Variants in TLK2 observed in about 807,000 individuals in gnomAD.
The protein encoded by TLK2 is tousled like kinase 2.
TLK2 carries 6 observed loss-of-function variants against 117.3 expected under a neutral mutation model. That is an observed-to-expected ratio of 0.05 (90% CI 0.03 to 0.10). The LOEUF (loss-of-function observed/expected upper bound fraction) is 0.10. Among genes scored for constraint, TLK2 ranks in the 10% least tolerant of loss-of-function variants. The pLI is 1.00. For missense variants in TLK2, 299 were observed against 901.2 expected (o/e 0.33, Z 8.56); for synonymous variants, 257 against 316.7 (o/e 0.81, Z 2.00).
At chr17:62,601,093 G>T (rs1343592022) in intron 18 of TLK2, among the ~76,000 whole-genome samples, 1 of 152,176 alleles carries the variant, frequency 6.6e-6, no homozygotes, top group Non-Finnish European at 1.5e-5. Context: ...AAGAACTGTT[G>T]CAGCAAGTTC....
intron 2 of TLK2, among the ~76,000 whole-genome samples, chr17:62,510,911 T>A (rs763065148): frequency 2.6e-5 from 4 of 152,202 alleles, no homozygotes; most frequent in Non-Finnish European, 4.4e-5. Flanking sequence ...TGGTTATCAT[T>A]ATTATTACTT....
intron 19 of TLK2, among the ~76,000 whole-genome samples, chr17:62,605,418 G>T (rs1002312301): frequency 6.6e-6 from 1 of 152,102 alleles, no homozygotes; most frequent in African/African-American, 2.4e-5. Context: ...TCACTCTCTT[G>T]CTGGAGTGCA....
chr17:62,568,234 C>T (rs2079961293), intron 11 of TLK2, among the ~76,000 whole-genome samples: 1 of 151,852 alleles, frequency 6.6e-6, no homozygotes, highest in African/African-American at 2.4e-5. Context: ...GAGTTTGAGA[C>T]CAGCCTGGCC....
At chr17:62,596,766 A>T in intron 17 of TLK2, 92 bp downstream of exon 17, 1 of 1,093,908 alleles carries the variant, frequency 9.1e-7, no homozygotes, top group Non-Finnish European at 1.4e-6. Flanking sequence ...GGTCCAGGAC[A>T]TACCCTCTGA....
intron 6 of TLK2, among the ~76,000 whole-genome samples, 154 bp downstream of exon 6, chr17:62,524,485 TC>T (rs2076245675): frequency 6.6e-6 from 1 of 152,158 alleles, no homozygotes; most frequent in African/African-American, 2.4e-5. Context: ...TTACTTTGAT[TC>T]AAATCTGTTG....
chr17:62,585,308 C>T (rs1194297716), intron 15 of TLK2, among the ~76,000 whole-genome samples: 1 of 152,184 alleles, frequency 6.6e-6, no homozygotes, highest in Non-Finnish European at 1.5e-5. Context: ...TTTGGGAGGC[C>T]GAAGCGGGGC....
chr17:62,549,413 A>G (rs1391374619), intron 7 of TLK2, among the ~76,000 whole-genome samples: 1 of 26,576 alleles, frequency 3.8e-5, no homozygotes, highest in South Asian at 2.4e-3. Context: ...AAAAAAAAAA[A>G]AAAAAAAAAA....
In TLK2 at chr17:62,589,472, T is replaced by C. The variant is rs565902324; in HGVS notation, c.1460+3246T>C. Among the ~76,000 whole-genome samples the C allele has an allele frequency of 6.7e-4, 102 of 152,344 alleles. No individual in the cohort carries two copies. Among genetic ancestry groups the C allele is most frequent in the Non-Finnish European group, 1.0e-3 (70 of 68,038 alleles). Reference sequence around the variant, plus strand: ...TCTCTGTATTTGTAGTGCATGGATCTCTTGGATTATAAGTTGAAAGTTGAA... The same window carrying C: ...TCTCTGTATTTGTAGTGCATGGATCCCTTGGATTATAAGTTGAAAGTTGAA... On this transcript the variant is annotated intron_variant, in intron 16 of 21. Transcript: ENST00000346027.
intron 2 of TLK2, among the ~76,000 whole-genome samples, chr17:62,503,480 C>T (rs1183682636): frequency 1.3e-5 from 2 of 148,350 alleles, no homozygotes; most frequent in Admixed American, 6.8e-5. Context: ...TGCTGTTGCA[C>T]GATCTCAGCC....
intron 6 of TLK2, among the ~76,000 whole-genome samples, chr17:62,533,336 A>T (rs1286106544): frequency 6.8e-6 from 1 of 147,888 alleles, no homozygotes; most frequent in Non-Finnish European, 1.5e-5. Context: ...TCTTATTCTT[A>T]GATGTTCCCA....
intron 15 of TLK2, among the ~76,000 whole-genome samples, chr17:62,580,569 T>C (rs1490538405): frequency 6.6e-6 from 1 of 152,244 alleles, no homozygotes; most frequent in Admixed American, 6.5e-5. Flanking sequence ...CCAATAAGAA[T>C]AGGTTTTTTT....
intron 19 of TLK2, among the ~76,000 whole-genome samples, chr17:62,604,415 T>C (rs2083107296): frequency 6.6e-6 from 1 of 152,064 alleles, no homozygotes; most frequent in South Asian, 2.1e-4. Context: ...CATATATATA[T>C]ATATATTTTT....
intron 2 of TLK2, among the ~76,000 whole-genome samples, chr17:62,513,211 G>GT (rs938133868): frequency 1.7e-4 from 26 of 149,756 alleles, no homozygotes; most frequent in East Asian, 1.4e-3. Context: ...TAAGCAAGGT[G>GT]TTTTTTTGTT....
chr17:62,571,695 A>G (rs1431705105), intron 11 of TLK2, among the ~76,000 whole-genome samples: 1 of 152,170 alleles, frequency 6.6e-6, no homozygotes, highest in Non-Finnish European at 1.5e-5. Flanking sequence ...AATTTTGCAT[A>G]CAGCATTGCC....
chr17:62,491,024 T>C (rs904103601), intron 2 of TLK2, among the ~76,000 whole-genome samples: 5 of 152,190 alleles, frequency 3.3e-5, no homozygotes, highest in Non-Finnish European at 5.9e-5. Context: ...GCATGTGCCA[T>C]TGCACCCAGC....
intron 16 of TLK2, among the ~76,000 whole-genome samples, chr17:62,590,878 T>C (rs936452900): frequency 3.3e-5 from 5 of 152,244 alleles, no homozygotes; most frequent in African/African-American, 1.2e-4. Context: ...TTATTGCCCT[T>C]AAGCCTTTAA....
At chr17:62,516,266 T>TC in intron 2 of TLK2, 1 of 182,250 alleles carries the variant, frequency 5.5e-6, no homozygotes, top group East Asian at 1.2e-4. Context: ...TTTTAGTTCT[T>TC]TTTTTTTTTT....
At chr17:62,585,293 A>G (rs1211683572) in intron 15 of TLK2, among the ~76,000 whole-genome samples, 2 of 152,258 alleles carry the variant, frequency 1.3e-5, no homozygotes, top group Admixed American at 1.3e-4. Flanking sequence ...CTGTAATCCC[A>G]GCACTTTGGG....
intron 12 of TLK2, among the ~76,000 whole-genome samples, chr17:62,575,774 A>G (rs2080741185): frequency 6.6e-6 from 1 of 151,846 alleles, no homozygotes; most frequent in Admixed American, 6.6e-5. Flanking sequence ...ATAGCTCACT[A>G]TAGCCTCAAC....
Sources: gnomAD v4.1 joint callset for allele counts (sites outside exome capture counted in the v4.1 genomes callset) on GRCh38, gnomAD v4.1.1 for gene constraint, MANE v1.5 for transcripts, NCBI Gene and HGNC (gene_info 2026-07-23, HGNC 2026-07-21) for gene names.